The following LRRK1 variants were observed in gnomAD, a reference collection of about 807,000 sequenced individuals.
LRRK1 encodes the protein leucine-rich repeat serine/threonine-protein kinase 1.
Under a neutral mutation model 209.1 loss-of-function variants are expected in LRRK1, and 113 were observed. That is an observed-to-expected ratio of 0.54 (90% CI 0.46 to 0.63). LRRK1 has a LOEUF of 0.63. Ranked by LOEUF, LRRK1 falls within the 30% of genes least tolerant of loss-of-function variation. The pLI is 0.00. For synonymous variants in LRRK1, 1,144 were observed against 1,099.7 expected, an observed-to-expected ratio of 1.04 and a Z score of -0.80; for missense variants, 2,284 against 2,632.2, an observed-to-expected ratio of 0.87 and a Z score of 2.89.
At chr15:101,052,060 G>A (rs1036317332) in intron 24 of LRRK1, 100 bp downstream of exon 24, 71 of 1,404,310 alleles carry the variant, frequency 5.1e-5, no homozygotes, top group African/African-American at 1.6e-4. Flanking sequence ...CCTCTGGGGC[G>A]GGCAGGTGCC....
chr15:101,074,038 C>T lies in LRRK1; in HGVS notation c.*5190C>T, dbSNP rs1379615760. Reference sequence around the variant, plus strand: ...AAAATGGGCAAATGGTCTGAGGTGCCTGACGTCCAGGCGTTCTTTTACACA... The same window carrying T: ...AAAATGGGCAAATGGTCTGAGGTGCTTGACGTCCAGGCGTTCTTTTACACA... On this transcript the variant is annotated 3_prime_UTR_variant, in exon 34 of 34. Coordinates refer to ENST00000388948, the MANE Select transcript of LRRK1 (RefSeq NM_024652.6). 5 of 152,128 alleles carry T rather than the reference C, an allele frequency of 3.3e-5. No individual in the cohort carries two copies. Among genetic ancestry groups the T allele is most frequent in the Non-Finnish European group, 7.4e-5 (5 of 68,002 alleles). The allele number at this position is 152,128 out of a possible 1,614,324, so 9.4% of individuals were successfully genotyped here. A position where few individuals can be genotyped will look rare whatever the true frequency, so the allele number is the denominator to read the frequency against.
chr15:101,035,868 G>T lies in LRRK1; in HGVS notation c.2963+6636G>T, dbSNP rs570484395. Among the ~76,000 whole-genome samples, 4 of 152,228 alleles carry T rather than the reference G, an allele frequency of 2.6e-5. No homozygotes were observed. The South Asian group carries it at 8.3e-4, about 32-fold the overall frequency. On this transcript the variant is annotated intron_variant, in intron 20 of 33. Coordinates refer to ENST00000388948, the MANE Select transcript of LRRK1 (RefSeq NM_024652.6). ...TTTGTGTGTTTTCATGATGTTAAAT[G>T]TCACTTTTCTTTTTGCTTCCAGGTT...
chr15:100,931,429 G>T (rs1368715560), intron 2 of LRRK1, among the ~76,000 whole-genome samples: 8 of 152,160 alleles, frequency 5.3e-5, no homozygotes, highest in Admixed American at 1.3e-4. Context: ...CATCTTAATC[G>T]ATTATTTTAA....
intron 30 of LRRK1, 36 bp from the exon 31 acceptor site, chr15:101,062,538 G>A (rs1463643115): frequency 7.0e-7 from 1 of 1,422,072 alleles, no homozygotes; most frequent in East Asian, 2.3e-5. Flanking sequence ...ACACTTTCCA[G>A]CCTGGGTCTC....
At chr15:100,954,991 C>T (rs1389235119) in intron 2 of LRRK1, among the ~76,000 whole-genome samples, 2 of 149,478 alleles carry the variant, frequency 1.3e-5, no homozygotes, top group Non-Finnish European at 3.0e-5. Flanking sequence ...AATTGGGGGT[C>T]GTCTGTGGTT....
At chr15:101,005,344 G>A (rs527326424) in intron 6 of LRRK1, among the ~76,000 whole-genome samples, 6 of 152,074 alleles carry the variant, frequency 3.9e-5, no homozygotes, top group East Asian at 1.9e-4. Flanking sequence ...ATATTGGGAC[G>A]AGAACTGACC....
At chr15:100,953,529 T>C (rs2042696395) in intron 2 of LRRK1, among the ~76,000 whole-genome samples, 1 of 131,632 alleles carries the variant, frequency 7.6e-6, no homozygotes, top group African/African-American at 2.9e-5. Context: ...TATATATATA[T>C]ATATACACAC....
chr15:100,926,021 T>G (rs2042103902), intron 2 of LRRK1, among the ~76,000 whole-genome samples: 1 of 152,218 alleles, frequency 6.6e-6, no homozygotes, highest in Non-Finnish European at 1.5e-5. Context: ...TGTTCAGTTG[T>G]TTGAGTGTTT....
At chr15:100,997,022 G>A (rs1403864085) in intron 6 of LRRK1, among the ~76,000 whole-genome samples, 1 of 151,166 alleles carries the variant, frequency 6.6e-6, no homozygotes, top group Admixed American at 6.6e-5. Flanking sequence ...ACAAGTTAGC[G>A]TTAAGCTTTG....
At chr15:100,930,831 T>C (rs761967840) in intron 2 of LRRK1, among the ~76,000 whole-genome samples, 1 of 152,254 alleles carries the variant, frequency 6.6e-6, no homozygotes, top group East Asian at 1.9e-4. Flanking sequence ...GGGATTTTTA[T>C]GAAATTCTTT....
chr15:101,062,604 G>A lies in LRRK1; in HGVS notation c.4828G>A (p.Gly1610Ser). Residue 1610 changes from glycine to serine, a missense_variant, in exon 31 of 34, where the codon GGC (glycine) becomes AGC (serine). Gly to Ser is a moderately conservative substitution (Grantham distance 56, BLOSUM62 0). Coordinates refer to ENST00000388948, the MANE Select transcript of LRRK1 (RefSeq NM_024652.6). Reference protein sequence around the residue: ...DQKIYIYTLKGMCPLNTPQQA... With the variant: ...DQKIYIYTLKSMCPLNTPQQA... The stretch of plus-strand genomic sequence containing the variant: ...GAAAATCTACATCTACACCCTCAAG[G>A]GCATGTGCCCCTTAAACACACCCCA... The A allele has an allele frequency of 2.5e-6, 4 of 1,614,090 alleles. No individual in the cohort carries two copies. Among genetic ancestry groups the A allele is most frequent in the Non-Finnish European group, 3.4e-6 (4 of 1,179,946 alleles).
At chr15:100,978,547 CCAA>C (rs1444297178) in intron 3 of LRRK1, among the ~76,000 whole-genome samples, 2 of 152,054 alleles carry the variant, frequency 1.3e-5, no homozygotes, top group Non-Finnish European at 2.9e-5. Flanking sequence ...ACAAAAATCA[CCAA>C]CGTCAGAAGG....
At chr15:100,961,027 C>G (rs2029904290) in intron 2 of LRRK1, among the ~76,000 whole-genome samples, 1 of 152,122 alleles carries the variant, frequency 6.6e-6, no homozygotes, top group Non-Finnish European at 1.5e-5. Context: ...AACTGGATGC[C>G]AGAGACTGGG....
rs769386932 is a variant in LRRK1 at position 101,010,733 on chromosome 15, A to G, written c.1177A>G (p.Thr393Ala). ...QELDISDNKL[T>A]ELPALFLHSF... ...ACTTGATATATCTGACAATAAATTG[A>G]CAGAACTCCCTGCCCTGTTCCTTCA... is the stretch of plus-strand genomic sequence containing the variant. Residue 393 changes from threonine (T) to alanine (A), a missense_variant, in exon 9 of 34, where the codon ACA becomes GCA. By Grantham distance (58) the Thr-to-Ala change is moderately conservative. Coordinates refer to ENST00000388948, the MANE Select transcript of LRRK1 (RefSeq NM_024652.6). The G allele has an allele frequency of 1.2e-6, 2 of 1,613,190 alleles. No individual in the cohort carries two copies. Among genetic ancestry groups the G allele is most frequent in the Non-Finnish European group, 1.7e-6 (2 of 1,179,626 alleles).
Position 101,021,775 on chromosome 15 carries a change from CGT to C in LRRK1, c.1740-33_1740-32del, listed in dbSNP as rs3031683. On this transcript the variant is annotated intron_variant, in intron 13 of 33. Coordinates refer to ENST00000388948, the MANE Select transcript of LRRK1 (RefSeq NM_024652.6). ...GAGGCTGACAGGAGCCACGTGTGTG[CGT>C]GTGTGTGTGTGTGTGTGTGTGTGTG... 4,121 of 856,750 alleles carry C rather than the reference CGT, an allele frequency of 4.8e-3. 85 individuals carry two copies. In the African/African-American group the frequency reaches 0.06, roughly 13 times the overall value. The allele number at this position is 856,750 out of a possible 1,614,324, so 53.1% of individuals were successfully genotyped here.
Position 101,022,041 on chromosome 15 carries a change from C to A in LRRK1, c.1852+84C>A. ...ACTTGTTAAGTTCTGGGGGTGGAGACAGTTGGTGACCCATGGAGCCCAGCT... is the reference window on the plus strand; with the variant it reads ...ACTTGTTAAGTTCTGGGGGTGGAGAAAGTTGGTGACCCATGGAGCCCAGCT... On this transcript the variant is annotated intron_variant, in intron 14 of 33. Coordinates refer to ENST00000388948, the MANE Select transcript of LRRK1 (RefSeq NM_024652.6). The surrounding 1 kb of genome is among the most constrained non-coding windows in gnomAD (Gnocchi z 4.0). 2.1e-6 allele frequency: 2 copies of A among 961,620 alleles called. No individual in the cohort carries two copies. The highest frequency in any genetic ancestry group is 1.6e-6 in the Non-Finnish European group (1 of 629,510). The allele number at this position is 961,620 out of a possible 1,614,324, so 59.6% of individuals were successfully genotyped here. A position where few individuals can be genotyped will look rare whatever the true frequency, so the allele number is the denominator to read the frequency against.
intron 6 of LRRK1, among the ~76,000 whole-genome samples, chr15:100,995,857 T>C (rs1028624955): frequency 2.0e-5 from 3 of 152,222 alleles, no homozygotes; most frequent in African/African-American, 4.8e-5. Context: ...TAAAAGTCTC[T>C]AATGATTTCA....
chr15:100,952,821 C>T (rs960466468), intron 2 of LRRK1, among the ~76,000 whole-genome samples: 5 of 152,134 alleles, frequency 3.3e-5, no homozygotes, highest in Admixed American at 1.3e-4. Flanking sequence ...TTTAAGTCTG[C>T]GTCATAAAGC....
rs1567231337 is a variant in LRRK1 at position 101,012,003 on chromosome 15, C to G, written c.1282-5C>G. 7 of 1,591,012 alleles carry G rather than the reference C, an allele frequency of 4.4e-6. No individual in the cohort carries two copies. In the Admixed American group the frequency reaches 7.4e-5, roughly 17 times the overall value. On this transcript the variant is annotated splice_region_variant and splice_polypyrimidine_tract_variant and intron_variant, in intron 9 of 33. Coordinates refer to ENST00000388948, the MANE Select transcript of LRRK1 (RefSeq NM_024652.6). ...ATACATTTTTTTTTCTCGTCAATCT[C>G]TTAGAAATGTTGTAAAGCTTCCAGA...
Sources: allele counts gnomAD v4.1 joint callset (sites outside exome capture counted in the v4.1 genomes callset), GRCh38; gene constraint gnomAD v4.1.1; non-coding constraint Gnocchi (gnomAD v3.1); transcripts MANE v1.5; gene names NCBI Gene and HGNC (gene_info 2026-07-23, HGNC 2026-07-21).